CYP2C18: variants seen among roughly 807,000 people sequenced by gnomAD.
CYP2C18 encodes the protein cytochrome P450 family 2 subfamily C member 18, also known as cytochrome P450 2C18.
CYP2C18 carries 38 observed loss-of-function variants against 41.3 expected under a neutral mutation model. That is an observed-to-expected ratio of 0.92 (90% CI 0.71 to 1.21). CYP2C18 has a LOEUF of 1.21. Among genes scored for constraint, CYP2C18 ranks in the 50% most tolerant of loss-of-function variants. The pLI is 0.00. For synonymous variants in CYP2C18, 236 were observed against 210.0 expected (o/e 1.12, Z -1.07); for missense variants, 635 against 591.4 (o/e 1.07, Z -0.77).
At chr10:94,691,203 C>G (rs1047465677) in intron 3 of CYP2C18, among the ~76,000 whole-genome samples, 3 of 152,022 alleles carry the variant, frequency 2.0e-5, no homozygotes, top group African/African-American at 7.2e-5. Flanking sequence ...AAATAAAGGG[C>G]ATTCAATTAG....
intron 5 of CYP2C18, among the ~76,000 whole-genome samples, chr10:94,710,702 T>G (rs550958287): frequency 3.9e-5 from 6 of 152,314 alleles, no homozygotes; most frequent in Admixed American, 1.3e-4. Flanking sequence ...AATTTTGAGT[T>G]GATAAGCTTA....
chr10:94,693,078 G>T (rs1847040152), intron 3 of CYP2C18, among the ~76,000 whole-genome samples: 1 of 152,116 alleles, frequency 6.6e-6, no homozygotes, highest in South Asian at 2.1e-4. Flanking sequence ...ACGAGTTAAT[G>T]GGTGCAGCAC....
In CYP2C18 at chr10:94,713,847, T is replaced by C. The variant is rs558824385; in HGVS notation, c.820-6549T>C. On this transcript the variant is annotated intron_variant, in intron 5 of 8. Transcript: ENST00000285979. ...CTCCACATCCTCTCCAGCACCTGTT[T>C]CCTGACTTTTTAATGATCGCCATTC... 4.0e-5 allele frequency among the ~76,000 whole-genome samples: 6 copies of C among 151,682 alleles called. No homozygotes were observed. The South Asian group carries it at 1.2e-3, about 32-fold the overall frequency.
chr10:94,688,292 T>C lies in CYP2C18; in HGVS notation c.481+18T>C. On this transcript the variant is annotated intron_variant, in intron 3 of 8. Coordinates refer to ENST00000285979, the MANE Select transcript of CYP2C18 (RefSeq NM_000772.3). ...AACCAATGGTGGGTGACTTTTTTTT[T>C]TCCTGAAAAATGTTTTCTAAAATTT... The C allele has an allele frequency of 6.3e-7, 1 of 1,581,116 alleles. No homozygotes were observed. The highest frequency in any genetic ancestry group is 8.5e-7 in the Non-Finnish European group (1 of 1,170,620).
In CYP2C18 at chr10:94,735,413, C is replaced by T. The variant is rs772062076; in HGVS notation, c.1442C>T (p.Pro481Leu). The T allele has an allele frequency of 1.9e-6, 3 of 1,613,606 alleles. No homozygotes were observed. Among genetic ancestry groups the T allele is most frequent in the Admixed American group, 3.3e-5 (2 of 59,954 alleles). Residue 481 changes from proline (P) to leucine (L), a missense_variant, in exon 9 of 9, where the codon CCC (proline) becomes CTC (leucine). Pro to Leu is a moderately conservative substitution (Grantham distance 98, BLOSUM62 -3). Transcript: ENST00000285979. ...PIANAFGRVPPLYQLCFIPV is the reference protein window; with the variant it reads ...PIANAFGRVPLLYQLCFIPV Reference sequence around the variant, plus strand: ...GCCAATGCATTTGGTCGTGTGCCACCCTTGTACCAGCTCTGCTTCATTCCT... The same window carrying T: ...GCCAATGCATTTGGTCGTGTGCCACTCTTGTACCAGCTCTGCTTCATTCCT...
chr10:94,701,549 C>T (rs1369610759), intron 4 of CYP2C18, among the ~76,000 whole-genome samples: 1 of 152,176 alleles, frequency 6.6e-6, no homozygotes, highest in African/African-American at 2.4e-5. Context: ...AGCACACCAA[C>T]ATGGCACATG....
chr10:94,715,162 A>T (rs1191054044), intron 5 of CYP2C18, among the ~76,000 whole-genome samples: 2 of 152,136 alleles, frequency 1.3e-5, no homozygotes, highest in African/African-American at 2.4e-5. Flanking sequence ...CTAATTGAAT[A>T]CCCTTTATTT....
At chr10:94,734,391 C>A (rs1461039153) in intron 8 of CYP2C18, among the ~76,000 whole-genome samples, 1 of 152,078 alleles carries the variant, frequency 6.6e-6, no homozygotes, top group Non-Finnish European at 1.5e-5. Flanking sequence ...CTAAGGCCTT[C>A]TTTTAAGGAT....
chr10:94,699,248 G>A (rs1049764003), intron 4 of CYP2C18, among the ~76,000 whole-genome samples: 2 of 152,170 alleles, frequency 1.3e-5, no homozygotes, highest in Admixed American at 6.5e-5. Context: ...CTGGCAAACC[G>A]AATCCAGCAG....
At chr10:94,707,663 T>C (rs1030794464) in intron 5 of CYP2C18, among the ~76,000 whole-genome samples, 1 of 152,196 alleles carries the variant, frequency 6.6e-6, no homozygotes, top group Non-Finnish European at 1.5e-5. Flanking sequence ...AAAAACTTGC[T>C]ACAAGACATT....
intron 4 of CYP2C18, among the ~76,000 whole-genome samples, chr10:94,695,678 G>T (rs1300819146): frequency 6.6e-6 from 1 of 152,036 alleles, no homozygotes; most frequent in Non-Finnish European, 1.5e-5. Flanking sequence ...CCAAAGCAGG[G>T]TGAGGCATTG....
intron 6 of CYP2C18, among the ~76,000 whole-genome samples, chr10:94,722,404 C>G (rs1206921277): frequency 6.6e-6 from 1 of 152,038 alleles, no homozygotes; most frequent in South Asian, 2.1e-4. Context: ...CAGAATCACA[C>G]TGAAGTGATG....
chr10:94,729,903 C>T (rs1847800334), intron 7 of CYP2C18, among the ~76,000 whole-genome samples: 1 of 152,074 alleles, frequency 6.6e-6, no homozygotes, highest in Non-Finnish European at 1.5e-5. Flanking sequence ...AATAGGAATG[C>T]TAAATCCTAG....
chr10:94,707,065 T>A, intron 5 of CYP2C18, 105 bp downstream of exon 5: 1 of 876,196 alleles, frequency 1.1e-6, no homozygotes, highest in Non-Finnish European at 1.8e-6. Flanking sequence ...TTTATGTACT[T>A]ACCATGTGTA....
chr10:94,692,497 C>T (rs1003385049), intron 3 of CYP2C18, among the ~76,000 whole-genome samples: 12 of 151,978 alleles, frequency 7.9e-5, no homozygotes, highest in African/African-American at 1.9e-4. Context: ...GTTAGAATGG[C>T]GATCATTAAA....
At chr10:94,732,894 C>T (rs1389292097) in intron 7 of CYP2C18, among the ~76,000 whole-genome samples, 2 of 152,018 alleles carry the variant, frequency 1.3e-5, no homozygotes, top group African/African-American at 4.8e-5. Context: ...CCCTAAACCT[C>T]AGCATCACAC....
intron 4 of CYP2C18, among the ~76,000 whole-genome samples, chr10:94,704,938 C>T (rs962598412): frequency 1.3e-5 from 2 of 152,092 alleles, no homozygotes; most frequent in Admixed American, 1.3e-4. Context: ...AGTTTTGAAT[C>T]AGGTGAAACA....
rs778370337 is a variant in CYP2C18 at position 94,687,774 on chromosome 10, C to G, written c.173C>G (p.Ser58Ter). The part of the protein sequence containing the change: ...KDMSKSLTNF[S>*]KVYGPVFTVY... ...AACCTCCTTTTCTATGTTTAGTTCT[C>G]AAAAGTCTATGGCCCTGTGTTCACT... Residue 58 changes from serine to a stop codon, truncating the protein, a stop_gained, in exon 2 of 9, where the codon TCA (serine) becomes TGA (stop). Coordinates refer to ENST00000285979, the MANE Select transcript of CYP2C18 (RefSeq NM_000772.3). LOFTEE classifies it high-confidence loss of function. 1.2e-6 allele frequency: 2 copies of G among 1,610,972 alleles called. No homozygotes were observed. Among genetic ancestry groups the G allele is most frequent in the Middle Eastern group, 1.7e-4 (1 of 6,032 alleles).
intron 8 of CYP2C18, among the ~76,000 whole-genome samples, chr10:94,734,799 T>C (rs1176648962): frequency 1.3e-5 from 2 of 152,136 alleles, no homozygotes; most frequent in Admixed American, 1.3e-4. Flanking sequence ...TTGTTTAAAG[T>C]TGTAAAATGA....
Sources: allele counts gnomAD v4.1 joint callset (sites outside exome capture counted in the v4.1 genomes callset), GRCh38; gene constraint gnomAD v4.1.1; transcripts MANE v1.5; gene names NCBI Gene and HGNC (gene_info 2026-07-23, HGNC 2026-07-21).